Variants in SLC24A3 observed in about 807,000 individuals in gnomAD.
SLC24A3 encodes the protein solute carrier family 24 member 3.
Under a neutral mutation model 75.8 loss-of-function variants are expected in SLC24A3, and 28 were observed. The ratio of observed to expected loss-of-function variants is 0.37; its 90% CI spans 0.27 to 0.51. The LOEUF (loss-of-function observed/expected upper bound fraction) is 0.51. Among genes scored for constraint, SLC24A3 ranks in the 20% least tolerant of loss-of-function variants. The probability of loss-of-function intolerance (pLI) is 0.94; values close to 1 mark genes in which losing one functional copy is unlikely to be tolerated. For synonymous variants in SLC24A3, 372 were observed against 334.1 expected (o/e 1.11, Z -1.24); for missense variants, 663 against 847.8 (o/e 0.78, Z 2.71).
chr20:19,238,232 T>C (rs1982224735), intron 1 of SLC24A3, among the ~76,000 whole-genome samples: 1 of 152,214 alleles, frequency 6.6e-6, no homozygotes, highest in Non-Finnish European at 1.5e-5. Context: ...GCTCTGCCTG[T>C]TCTTGTGCCG....
chr20:19,609,046 T>C (rs16980886), intron 6 of SLC24A3, among the ~76,000 whole-genome samples: 91,667 of 152,032 alleles, frequency 0.6, 29,186 homozygotes, highest in Non-Finnish European at 0.7. Flanking sequence ...CTCCTGCAAT[T>C]GAGGAAGAAA....
chr20:19,564,158 G>A (rs553119544), intron 3 of SLC24A3, among the ~76,000 whole-genome samples: 2 of 152,162 alleles, frequency 1.3e-5, no homozygotes, highest in East Asian at 1.9e-4. Flanking sequence ...ACTCCCACAG[G>A]GTATGGCACT....
intron 6 of SLC24A3, among the ~76,000 whole-genome samples, chr20:19,653,024 G>A (rs975863049): frequency 2.6e-5 from 4 of 152,146 alleles, no homozygotes; most frequent in Non-Finnish European, 5.9e-5. Flanking sequence ...CAAGGTGTGT[G>A]GACTCTCCCA....
At chr20:19,455,083 C>T (rs1463494072) in intron 2 of SLC24A3, among the ~76,000 whole-genome samples, 1 of 152,122 alleles carries the variant, frequency 6.6e-6, no homozygotes, top group Non-Finnish European at 1.5e-5. Flanking sequence ...ATATTTCATG[C>T]CCATTCCCAA....
intron 2 of SLC24A3, among the ~76,000 whole-genome samples, chr20:19,281,484 C>CA (rs1983663405): frequency 6.6e-6 from 1 of 152,152 alleles, no homozygotes; most frequent in Non-Finnish European, 1.5e-5. Flanking sequence ...ACAGTAGAGA[C>CA]ACAGGGATTG....
chr20:19,513,736 T>A (rs868721877), intron 2 of SLC24A3, among the ~76,000 whole-genome samples: 2,710 of 123,220 alleles, frequency 0.022, 93 homozygotes, highest in African/African-American at 0.077. Context: ...GCTTTTTTTT[T>A]AGAAAAAAAA....
At chr20:19,416,360 A>G (rs765918962) in intron 2 of SLC24A3, among the ~76,000 whole-genome samples, 5 of 152,238 alleles carry the variant, frequency 3.3e-5, no homozygotes, top group Non-Finnish European at 7.3e-5. Context: ...GGAAGGTGGT[A>G]TGGGAAGACA....
In SLC24A3 at chr20:19,716,011, T is replaced by C. The variant is rs115551096; in HGVS notation, c.1720-1517T>C. Among the ~76,000 whole-genome samples the C allele has an allele frequency of 3.3e-3, 498 of 152,374 alleles. 6 individuals are homozygous for C. Among genetic ancestry groups the C allele is most frequent in the African/African-American group, 0.011 (478 of 41,590 alleles). ...AGAACAGAAGTGGATCTGAGCTTTA[T>C]GCTTTCTCTAAATCAGTGGTTCTTA... On this transcript the variant is annotated intron_variant, in intron 15 of 16. Coordinates refer to ENST00000328041, the MANE Select transcript of SLC24A3 (RefSeq NM_020689.4).
intron 2 of SLC24A3, among the ~76,000 whole-genome samples, chr20:19,287,658 T>C (rs932058214): frequency 1.3e-5 from 2 of 152,234 alleles, no homozygotes; most frequent in African/African-American, 2.4e-5. Flanking sequence ...TTTTATTCTC[T>C]TTTCACCTTG....
At chr20:19,324,475 A>T (rs1302019541) in intron 2 of SLC24A3, among the ~76,000 whole-genome samples, 1 of 152,128 alleles carries the variant, frequency 6.6e-6, no homozygotes, top group Non-Finnish European at 1.5e-5. Context: ...TGCTTTTAAG[A>T]ACGTATCTTT....
At chr20:19,266,296 C>T (rs1388152026) in intron 1 of SLC24A3, among the ~76,000 whole-genome samples, 2 of 152,236 alleles carry the variant, frequency 1.3e-5, no homozygotes, top group Non-Finnish European at 2.9e-5. Context: ...TCACTGTTCA[C>T]ATGGTAGCTG....
At chr20:19,319,455 A>G (rs1984658783) in intron 2 of SLC24A3, among the ~76,000 whole-genome samples, 1 of 152,166 alleles carries the variant, frequency 6.6e-6, no homozygotes, top group Admixed American at 6.5e-5. Context: ...TTCCTCACTC[A>G]CAGTCAGCCC....
chr20:19,590,497 G>A (rs778467151), intron 6 of SLC24A3, among the ~76,000 whole-genome samples: 4 of 152,200 alleles, frequency 2.6e-5, no homozygotes, highest in Non-Finnish European at 5.9e-5. Context: ...AAAAATAGGG[G>A]CTGGAGGCCT....
rs187160176 is a variant in SLC24A3, at chr20:19,431,701, C to T, written c.272-83787C>T. 4.0e-3 allele frequency among the ~76,000 whole-genome samples: 599 copies of T among 148,414 alleles called. 2 individuals carry two copies. Among genetic ancestry groups the T allele is most frequent in the Middle Eastern group, 0.01 (3 of 294 alleles). On this transcript the variant is annotated intron_variant, in intron 2 of 16. Transcript: ENST00000328041. ...GTTGAAACAGAAAATCAACAATTCA[C>T]TCAAGAAATAGATTCACTTCAAAAA...
At chr20:19,585,732 C>T (rs901052628) in intron 6 of SLC24A3, among the ~76,000 whole-genome samples, 188 bp downstream of exon 6, 10 of 152,130 alleles carry the variant, frequency 6.6e-5, no homozygotes, top group Admixed American at 3.3e-4. Context: ...GGTAATCCAC[C>T]ATTACTTGGT....
intron 1 of SLC24A3, among the ~76,000 whole-genome samples, chr20:19,224,068 A>G (rs997865432): frequency 5.9e-5 from 9 of 152,178 alleles, no homozygotes; most frequent in African/African-American, 2.2e-4. Context: ...AACAGCAGAA[A>G]GTGAAACTGA....
chr20:19,558,453 C>G (rs1458111414), intron 3 of SLC24A3, among the ~76,000 whole-genome samples: 1 of 150,852 alleles, frequency 6.6e-6, no homozygotes, highest in Non-Finnish European at 1.5e-5. Flanking sequence ...AATTTGACGT[C>G]TACAGACATT....
rs891192247 is a variant in SLC24A3 at position 19,594,247 on chromosome 20, T to A, written c.612+8703T>A. ...CTGAAGACTCCCTGGTCTTCCCTCC[T>A]ATCAACCCCCTACACAGGTCACCAT... On this transcript the variant is annotated intron_variant, in intron 6 of 16. Coordinates refer to ENST00000328041, the MANE Select transcript of SLC24A3 (RefSeq NM_020689.4). 3.3e-5 allele frequency among the ~76,000 whole-genome samples: 5 copies of A among 152,116 alleles called. No individual in the cohort carries two copies. In the East Asian group the frequency reaches 9.6e-4, roughly 29 times the overall value.
chr20:19,408,393 T>G (rs965370471), intron 2 of SLC24A3, among the ~76,000 whole-genome samples: 1 of 150,138 alleles, frequency 6.7e-6, no homozygotes, highest in African/African-American at 2.4e-5. Context: ...AAAAATACTT[T>G]TTTTTTTTTT....
Sources: allele counts gnomAD v4.1 joint callset (sites outside exome capture counted in the v4.1 genomes callset), GRCh38; gene constraint gnomAD v4.1.1; transcripts MANE v1.5; gene names NCBI Gene and HGNC (gene_info 2026-07-23, HGNC 2026-07-21).